The following NRXN1 variants were observed in gnomAD, a reference collection of about 807,000 sequenced individuals.
NRXN1 encodes neurexin-1.
Under a neutral mutation model 150.9 loss-of-function variants are expected in NRXN1, and 39 were observed. The ratio of observed to expected loss-of-function variants is 0.26; its 90% CI spans 0.20 to 0.34. The LOEUF (loss-of-function observed/expected upper bound fraction) is 0.34, where lower values mean the gene tolerates loss of function less well. Among genes scored for constraint, NRXN1 ranks in the 10% least tolerant of loss-of-function variants. The pLI, the probability that NRXN1 is intolerant of heterozygous loss-of-function variation, is 1.00. For missense variants in NRXN1, 1,815 were observed against 1,949.9 expected, an observed-to-expected ratio of 0.93 and a Z score of 1.30; for synonymous variants, 924 against 757.0, an observed-to-expected ratio of 1.22 and a Z score of -3.62.
intron 17 of NRXN1, among the ~76,000 whole-genome samples, chr2:50,275,014 A>G (rs2070253520): frequency 6.6e-6 from 1 of 152,194 alleles, no homozygotes. Flanking sequence ...GGTATTGACC[A>G]TGGTTTCTGC....
chr2:50,011,368 T>C (rs1336777437), intron 21 of NRXN1, among the ~76,000 whole-genome samples: 1 of 152,176 alleles, frequency 6.6e-6, no homozygotes, highest in Non-Finnish European at 1.5e-5. Flanking sequence ...TTAATTCAGA[T>C]TGGCAGATAC....
At chr2:50,642,001 C>T (rs1054043051) in intron 5 of NRXN1, among the ~76,000 whole-genome samples, 1 of 151,968 alleles carries the variant, frequency 6.6e-6, no homozygotes, top group Non-Finnish European at 1.5e-5. Flanking sequence ...TCAACATATG[C>T]ATATAGATAT....
At chr2:50,128,852 G>T (rs781476689) in intron 18 of NRXN1, among the ~76,000 whole-genome samples, 4 of 151,622 alleles carry the variant, frequency 2.6e-5, no homozygotes, top group Non-Finnish European at 5.9e-5. Flanking sequence ...GCATGGTGGC[G>T]GGCGCCTGTA....
chr2:50,832,082 T>C (rs748866364), intron 5 of NRXN1, among the ~76,000 whole-genome samples: 1 of 152,156 alleles, frequency 6.6e-6, no homozygotes, highest in African/African-American at 2.4e-5. Flanking sequence ...AATATTATTT[T>C]AGGCATGCAT....
intron 21 of NRXN1, among the ~76,000 whole-genome samples, chr2:50,010,876 GT>G (rs1010060942): frequency 2.6e-4 from 40 of 152,184 alleles, no homozygotes; most frequent in African/African-American, 8.9e-4. Context: ...TAATTATAAA[GT>G]TTTTAAGACT....
At chr2:51,007,003 T>G (rs1435149646) in intron 2 of NRXN1, among the ~76,000 whole-genome samples, 2 of 151,592 alleles carry the variant, frequency 1.3e-5, no homozygotes, top group Non-Finnish European at 2.9e-5. Context: ...AGCAGTGACC[T>G]GCCTATCTGA....
Position 49,943,679 on chromosome 2 carries a change from G to T in NRXN1, c.4216+25C>A, listed in dbSNP as rs772415317. 49 of 1,517,618 alleles carry T rather than the reference G, an allele frequency of 3.2e-5. No individual in the cohort carries two copies. In the East Asian group the frequency reaches 1.0e-3, roughly 32 times the overall value. 94.0% of individuals were successfully genotyped at this position (1,517,618 alleles called of 1,614,324 possible). A position where few individuals can be genotyped will look rare whatever the true frequency, so the allele number is the denominator to read the frequency against. On this transcript the variant is annotated intron_variant, in intron 22 of 22. Transcript: ENST00000401669. The stretch of plus-strand genomic sequence containing the variant: ...AACAAAGATTTACAGTAAAGCCAAG[G>T]AAGTAAGAAAAAAAGTTGACTAACC...
intron 1 of NRXN1, among the ~76,000 whole-genome samples, chr2:51,030,970 C>A (rs1671453465): frequency 6.6e-6 from 1 of 151,618 alleles, no homozygotes; most frequent in South Asian, 2.1e-4. Context: ...TTCTCCCGTC[C>A]CTCCTGCCCT....
intron 5 of NRXN1, among the ~76,000 whole-genome samples, chr2:50,876,254 T>C (rs1678574704): frequency 6.6e-6 from 1 of 151,742 alleles, no homozygotes; most frequent in South Asian, 2.1e-4. Context: ...ACTGAAAATA[T>C]GGCAAGGGAT....
At chr2:50,054,901 C>A (rs1042395143) in intron 20 of NRXN1, 54 bp downstream of exon 20, 1 of 1,198,092 alleles carries the variant, frequency 8.3e-7, no homozygotes, top group Non-Finnish European at 1.2e-6. Context: ...TGAAGTACTA[C>A]TTGGTTATGT....
intron 5 of NRXN1, among the ~76,000 whole-genome samples, chr2:50,858,302 T>G (rs1351385474): frequency 6.6e-6 from 1 of 152,074 alleles, no homozygotes; most frequent in Non-Finnish European, 1.5e-5. Context: ...AACACAAACA[T>G]AAGAAGCACC....
rs115191109 is a variant in NRXN1 at position 50,892,393 on chromosome 2, G to C, written c.832+29476C>G. ...GAGAGATCAATATCTCCTAAGGCTG[G>C]GTTATGATTAGGTTCTTTATATTAT... On this transcript the variant is annotated intron_variant, in intron 5 of 22. Transcript: ENST00000401669. Among the ~76,000 whole-genome samples, 862 of 152,138 alleles carry C rather than the reference G, an allele frequency of 5.7e-3. 8 individuals carry two copies. Among genetic ancestry groups the C allele is most frequent in the African/African-American group, 0.02 (828 of 41,524 alleles).
rs568266437 is a variant in NRXN1, at chr2:50,983,630, C to T, written c.772+43872G>A. On this transcript the variant is annotated intron_variant, in intron 2 of 22. Transcript: ENST00000401669. ...CTTCACATTTATTTGCCTACATACA[C>T]ATATTAGGGAACTTTTCTTATTTAG... Among the ~76,000 whole-genome samples the T allele has an allele frequency of 4.2e-4, 64 of 152,168 alleles. 1 individual carries two copies. Among genetic ancestry groups the T allele is most frequent in the African/African-American group, 1.5e-3 (62 of 41,546 alleles).
At chr2:50,922,634 G>C (rs1273608644) in intron 4 of NRXN1, 24 bp downstream of exon 4, 2 of 1,608,480 alleles carry the variant, frequency 1.2e-6, no homozygotes, top group African/African-American at 2.7e-5. Flanking sequence ...TGAAAGCAGA[G>C]TGGAAAAGGA....
chr2:50,960,254 C>T (rs1692937854), intron 2 of NRXN1, among the ~76,000 whole-genome samples: 1 of 151,874 alleles, frequency 6.6e-6, no homozygotes, highest in Non-Finnish European at 1.5e-5. Flanking sequence ...CAGATGGAGA[C>T]AGAAGCTCTT....
intron 18 of NRXN1, among the ~76,000 whole-genome samples, chr2:50,105,712 A>T (rs1701544613): frequency 6.6e-6 from 1 of 152,000 alleles, no homozygotes; most frequent in Non-Finnish European, 1.5e-5. Context: ...TAATAAACCT[A>T]ATATTTAAAA....
chr2:50,082,115 C>T (rs538089654), intron 19 of NRXN1, among the ~76,000 whole-genome samples: 1 of 152,136 alleles, frequency 6.6e-6, no homozygotes, highest in Non-Finnish European at 1.5e-5. Context: ...CACCTCATTT[C>T]CTAAAAGCTA....
chr2:51,012,792 C>A (rs527584208), intron 2 of NRXN1, among the ~76,000 whole-genome samples: 13 of 152,112 alleles, frequency 8.5e-5, no homozygotes, highest in African/African-American at 3.1e-4. Context: ...TCCTGGGAAA[C>A]CAAAAACATG....
At chr2:50,243,847 T>C (rs1284868429) in intron 17 of NRXN1, among the ~76,000 whole-genome samples, 2 of 151,798 alleles carry the variant, frequency 1.3e-5, no homozygotes, top group Non-Finnish European at 1.5e-5. Flanking sequence ...CCAGCCAAGA[T>C]ACCATTTAAA....
Sources: gnomAD v4.1 joint callset for allele counts (sites outside exome capture counted in the v4.1 genomes callset) on GRCh38, gnomAD v4.1.1 for gene constraint, MANE v1.5 for transcripts, NCBI Gene and HGNC (gene_info 2026-07-23, HGNC 2026-07-21) for gene names.